TRABD2B: variants seen among roughly 807,000 people sequenced by gnomAD.
TRABD2B encodes the protein TraB domain containing 2B.
TRABD2B carries 14 observed loss-of-function variants against 40.1 expected under a neutral mutation model. The ratio of observed to expected loss-of-function variants is 0.35; its 90% confidence interval spans 0.23 to 0.55. The LOEUF (loss-of-function observed/expected upper bound fraction) is 0.55, where lower values mean the gene tolerates loss of function less well. Ranked by LOEUF, TRABD2B falls within the 20% of genes least tolerant of loss-of-function variation. The probability of loss-of-function intolerance (pLI) is 0.90; values close to 1 mark genes in which losing one functional copy is unlikely to be tolerated. For synonymous variants in TRABD2B, 263 were observed against 277.0 expected (o/e 0.95, Z 0.50); for missense variants, 541 against 648.6 (o/e 0.83, Z 1.80).
At chr1:47,804,694 C>A (rs1644867880) in intron 2 of TRABD2B, among the ~76,000 whole-genome samples, 1 of 152,152 alleles carries the variant, frequency 6.6e-6, no homozygotes, top group Non-Finnish European at 1.5e-5. Context: ...ACAGTCCTGG[C>A]ATGTAGTAAG....
At chr1:47,977,694 A>AAC (rs1491513683) in intron 2 of TRABD2B, among the ~76,000 whole-genome samples, 5 of 151,554 alleles carry the variant, frequency 3.3e-5, no homozygotes, top group East Asian at 1.9e-4. Context: ...AAAAAAAAAA[A>AAC]ACACACAGGA....
At chr1:47,766,555 C>T (rs961736810) in intron 6 of TRABD2B, among the ~76,000 whole-genome samples, 4 of 152,204 alleles carry the variant, frequency 2.6e-5, no homozygotes, top group African/African-American at 9.6e-5. Flanking sequence ...CGTTCCCTGC[C>T]ATTATCATAA....
At chr1:47,771,905 C>G (rs993211779) in intron 6 of TRABD2B, among the ~76,000 whole-genome samples, 1 of 152,206 alleles carries the variant, frequency 6.6e-6, no homozygotes, top group Non-Finnish European at 1.5e-5. Context: ...GGGACAGGCA[C>G]TCCAGGCGCG....
chr1:47,922,123 G>A (rs1014589761), intron 2 of TRABD2B, among the ~76,000 whole-genome samples: 1 of 152,160 alleles, frequency 6.6e-6, no homozygotes, highest in Non-Finnish European at 1.5e-5. Flanking sequence ...TGTTTAGCCA[G>A]CGGGATGATT....
At chr1:47,852,532 G>C (rs1645564462) in intron 2 of TRABD2B, among the ~76,000 whole-genome samples, 1 of 152,204 alleles carries the variant, frequency 6.6e-6, no homozygotes, top group Non-Finnish European at 1.5e-5. Context: ...CAGCCCACCA[G>C]GGCCACCATT....
At chr1:47,786,341 C>G (rs538063531) in intron 4 of TRABD2B, among the ~76,000 whole-genome samples, 23 of 152,368 alleles carry the variant, frequency 1.5e-4, no homozygotes, top group African/African-American at 4.3e-4. Flanking sequence ...TGTACATTCT[C>G]CTTCACTGAT....
chr1:47,927,449 C>T (rs1052332114), intron 2 of TRABD2B, among the ~76,000 whole-genome samples: 2 of 152,234 alleles, frequency 1.3e-5, no homozygotes, highest in Non-Finnish European at 1.5e-5. Context: ...GCTGCAGGCA[C>T]GTGGACAGGC....
intron 2 of TRABD2B, among the ~76,000 whole-genome samples, chr1:47,938,685 T>C (rs995821114): frequency 6.6e-6 from 1 of 152,188 alleles, no homozygotes; most frequent in African/African-American, 2.4e-5. Flanking sequence ...ACTGGAATCA[T>C]GTGTCCCTGT....
At chr1:47,815,410 C>T (rs1645018063) in intron 2 of TRABD2B, among the ~76,000 whole-genome samples, 1 of 152,178 alleles carries the variant, frequency 6.6e-6, no homozygotes, top group Non-Finnish European at 1.5e-5. Context: ...TTCCAGGATC[C>T]ACCTTGGGCA....
chr1:47,808,750 G>A (rs1644924523), intron 2 of TRABD2B, among the ~76,000 whole-genome samples: 1 of 152,176 alleles, frequency 6.6e-6, no homozygotes. Context: ...TTCAAACTCA[G>A]GTCCAGCTGG....
intron 2 of TRABD2B, among the ~76,000 whole-genome samples, chr1:47,820,892 G>A (rs974745936): frequency 1.3e-5 from 2 of 151,546 alleles, no homozygotes; most frequent in African/African-American, 4.9e-5. Context: ...ATAAGACTAC[G>A]GCTCAGAGAG....
intron 2 of TRABD2B, among the ~76,000 whole-genome samples, chr1:47,892,907 T>C (rs1396443204): frequency 6.6e-6 from 1 of 152,094 alleles, no homozygotes; most frequent in South Asian, 2.1e-4. Flanking sequence ...GGAAGTGCAG[T>C]CTGACATGCA....
At chr1:47,963,423 C>G (rs1440182540) in intron 2 of TRABD2B, among the ~76,000 whole-genome samples, 1 of 152,196 alleles carries the variant, frequency 6.6e-6, no homozygotes, top group African/African-American at 2.4e-5. Flanking sequence ...CTGCCAGGAG[C>G]TGCCTCTTAG....
chr1:47,861,666 C>A (rs1217083967), intron 2 of TRABD2B, among the ~76,000 whole-genome samples: 1 of 152,202 alleles, frequency 6.6e-6, no homozygotes, highest in Non-Finnish European at 1.5e-5. Context: ...GATGGATTCA[C>A]TAGTGAATTC....
intron 2 of TRABD2B, among the ~76,000 whole-genome samples, chr1:47,968,498 G>A (rs1434491992): frequency 6.6e-6 from 1 of 152,180 alleles, no homozygotes; most frequent in Non-Finnish European, 1.5e-5. Flanking sequence ...TTACTCCAGA[G>A]TCATTCATCT....
intron 4 of TRABD2B, among the ~76,000 whole-genome samples, chr1:47,789,782 T>C (rs779427917): frequency 1.3e-5 from 2 of 152,074 alleles, no homozygotes; most frequent in Non-Finnish European, 2.9e-5. Context: ...ACCCAAGGCG[T>C]CCTCCTCAAC....
At chr1:47,969,530 G>A (rs764726790) in intron 2 of TRABD2B, among the ~76,000 whole-genome samples, 1 of 152,124 alleles carries the variant, frequency 6.6e-6, no homozygotes. Context: ...GCTGGGAGAG[G>A]TCCATGATGG....
intron 2 of TRABD2B, among the ~76,000 whole-genome samples, chr1:47,956,082 G>A (rs962448471): frequency 6.6e-6 from 1 of 152,116 alleles, no homozygotes; most frequent in Non-Finnish European, 1.5e-5. Context: ...GGTGGGAGGT[G>A]GTGAGAGGTA....
intron 2 of TRABD2B, among the ~76,000 whole-genome samples, chr1:47,815,108 C>T (rs1470093721): frequency 2.0e-5 from 3 of 152,176 alleles, no homozygotes; most frequent in Non-Finnish European, 4.4e-5. Context: ...GCTCGGGTCT[C>T]CTATGCTCCC....
Sources: gnomAD v4.1 joint callset for allele counts (sites outside exome capture counted in the v4.1 genomes callset) on GRCh38, gnomAD v4.1.1 for gene constraint, MANE v1.5 for transcripts, NCBI Gene and HGNC (gene_info 2026-07-23, HGNC 2026-07-21) for gene names.